Variants in AGAP1 observed in about 807,000 individuals in gnomAD.
AGAP1 encodes the protein ArfGAP with GTPase domain, ankyrin repeat and PH domain 1, also known as arf-GAP with GTPase, ANK repeat and PH domain-containing protein 1.
In AGAP1, 29 loss-of-function variants were observed where a neutral mutation model predicts 105.3. The ratio of observed to expected loss-of-function variants is 0.28; its 90% CI spans 0.21 to 0.38. The LOEUF is 0.38. Ranked by LOEUF, AGAP1 falls within the 10% of genes least tolerant of loss-of-function variation. The pLI is 1.00. For missense variants in AGAP1, 998 were observed against 1,165.1 expected, an observed-to-expected ratio of 0.86 and a Z score of 2.09; for synonymous variants, 509 against 485.9, an observed-to-expected ratio of 1.05 and a Z score of -0.63.
Position 236,009,456 on chromosome 2 carries a change from G to A in AGAP1, c.1646-27105G>A, listed in dbSNP as rs2056435163. Among the ~76,000 whole-genome samples the A allele has an allele frequency of 6.6e-6, 1 of 152,240 alleles. No individual in the cohort carries two copies. ...CTGAAACACTCCAAGGAGCAGAGAC[G>A]CTCCCCTCTGCAACAGTGACATTTA... On this transcript the variant is annotated intron_variant, in intron 13 of 17. Coordinates refer to ENST00000304032, the MANE Select transcript of AGAP1 (RefSeq NM_001037131.3). This position sits in a 1 kb window ranked among gnomAD's most constrained non-coding sequence, Gnocchi z 4.2.
At chr2:236,030,930 G>T (rs1006251457) in intron 13 of AGAP1, among the ~76,000 whole-genome samples, 1 of 152,206 alleles carries the variant, frequency 6.6e-6, no homozygotes, top group African/African-American at 2.4e-5. Context: ...TGAGATGAAA[G>T]TGGGAAGAGG....
At chr2:235,810,725 A>G (rs558525028) in intron 9 of AGAP1, among the ~76,000 whole-genome samples, 4 of 151,904 alleles carry the variant, frequency 2.6e-5, no homozygotes, top group East Asian at 3.9e-4. Flanking sequence ...CATCAAGAAT[A>G]TGACTTATTT....
chr2:235,788,830 C>G lies in AGAP1; in HGVS notation c.674-8929C>G, dbSNP rs755193332. 6.6e-6 allele frequency among the ~76,000 whole-genome samples: 1 copy of G among 152,166 alleles called. No individual in the cohort carries two copies. ...AGACAAAACCAGCTGCGGGGCCACA[C>G]CACGTTAGGGTGCTTTTCGGCATCT... On this transcript the variant is annotated intron_variant, in intron 6 of 17. Transcript: ENST00000304032. This position sits in a 1 kb window ranked among gnomAD's most constrained non-coding sequence, Gnocchi z 6.0.
rs1200033788 is a variant in AGAP1 at position 235,589,205 on chromosome 2, T to G, written c.163+94356T>G. On this transcript the variant is annotated intron_variant, in intron 1 of 17. Coordinates refer to ENST00000304032, the MANE Select transcript of AGAP1 (RefSeq NM_001037131.3). ...TAGCTTATTGTTTTGTTTTTTTTTT[T>G]TTTTTTTTTTTTTTTTTGAGACGGA... is the stretch of plus-strand genomic sequence containing the variant. Among the ~76,000 whole-genome samples, 51 of 107,330 alleles carry G rather than the reference T, an allele frequency of 4.8e-4. 1 individual carries two copies. Among genetic ancestry groups the G allele is most frequent in the African/African-American group, 2.3e-3 (46 of 19,886 alleles). The allele number at this position is 107,330 out of a possible 152,430, so 70.4% of individuals were successfully genotyped here.
At chr2:236,072,641 AG>A (rs1356566866) in intron 16 of AGAP1, 1 of 152,146 alleles carries the variant, frequency 6.6e-6, no homozygotes, top group Non-Finnish European at 1.5e-5. Context: ...TAGGTAGGTG[AG>A]TATAGACAGG....
chr2:235,494,833 C>A lies in AGAP1; in HGVS notation c.147C>A (p.His49Gln). The A allele has an allele frequency of 1.3e-6, 2 of 1,572,430 alleles. No homozygotes were observed. Among genetic ancestry groups the A allele is most frequent in the Non-Finnish European group, 1.7e-6 (2 of 1,159,382 alleles). Residue 49 changes from histidine to glutamine, a missense_variant, in exon 1 of 18, where the codon CAC (histidine) becomes CAA (glutamine). Physicochemically the swap from His to Gln is conservative, Grantham distance 24 (BLOSUM62 0). This residue lies in a region of AGAP1 where 735 missense variants were observed against 833.4 expected (regional missense o/e 0.88). Transcript: ENST00000304032. ...TGCTGCAGAACCAGATCCGGGAGCA[C>A]GTCATCGCCATCGAAGGTGAGGGCC... ...EPVLQNQIREHVIAIEDAFVN... is the reference protein window; with the variant it reads ...EPVLQNQIREQVIAIEDAFVN...
At position 235,787,912 on chromosome 2, in the gene AGAP1, C is replaced by A. The variant is rs185556380; in HGVS notation, c.674-9847C>A. Among the ~76,000 whole-genome samples, 3 of 152,018 alleles carry A rather than the reference C, an allele frequency of 2.0e-5. No homozygotes were observed. Among genetic ancestry groups the A allele is most frequent in the Non-Finnish European group, 2.9e-5 (2 of 68,006 alleles). ...AGCATTCTGGGACCAAGAGCCATGA[C>A]CATGAGCATTCCGGGACCAAGAGCA... On this transcript the variant is annotated intron_variant, in intron 6 of 17. Coordinates refer to ENST00000304032, the MANE Select transcript of AGAP1 (RefSeq NM_001037131.3). The surrounding 1 kb of genome is among the most constrained non-coding windows in gnomAD (Gnocchi z 4.4).
intron 9 of AGAP1, among the ~76,000 whole-genome samples, chr2:235,860,139 A>G (rs1054035228): frequency 2.0e-5 from 3 of 152,202 alleles, no homozygotes; most frequent in African/African-American, 7.2e-5. Context: ...AGAAACACAA[A>G]TACTCATTAA....
rs995629827 is a variant in AGAP1, at chr2:235,893,546, G to A, written c.1155+10097G>A. Among the ~76,000 whole-genome samples the A allele has an allele frequency of 2.6e-5, 4 of 152,194 alleles. No homozygotes were observed. The South Asian group carries it at 8.3e-4, about 32-fold the overall frequency. On this transcript the variant is annotated intron_variant, in intron 10 of 17. Transcript: ENST00000304032. This position sits in a 1 kb window ranked among gnomAD's most constrained non-coding sequence, Gnocchi z 4.7. Reference sequence around the variant, plus strand: ...CGAGGGTGCACCATGTCTGTGGTGCGGGTGTGCCGTGTCCATCATGAGGGT... The same window carrying A: ...CGAGGGTGCACCATGTCTGTGGTGCAGGTGTGCCGTGTCCATCATGAGGGT...
chr2:235,529,907 A>G (rs1373467855), intron 1 of AGAP1, among the ~76,000 whole-genome samples: 1 of 152,104 alleles, frequency 6.6e-6, no homozygotes, highest in Non-Finnish European at 1.5e-5. Context: ...TGAGGATGGG[A>G]TTCAACAACT....
At chr2:235,767,346 C>T (rs1450900507) in intron 6 of AGAP1, among the ~76,000 whole-genome samples, 1 of 152,214 alleles carries the variant, frequency 6.6e-6, no homozygotes, top group Admixed American at 6.5e-5. Context: ...AGCCTTGAAT[C>T]GGGAGGCAGG....
At chr2:236,064,611 A>G (rs576559273) in intron 16 of AGAP1, among the ~76,000 whole-genome samples, 6 of 152,230 alleles carry the variant, frequency 3.9e-5, no homozygotes, top group African/African-American at 1.4e-4. Context: ...TAAATAAATA[A>G]CAAAATGCCA....
rs113834769 is a variant in AGAP1, at chr2:236,096,917, G to A, written c.2115-23275G>A. 3.0e-4 allele frequency among the ~76,000 whole-genome samples: 45 copies of A among 152,212 alleles called. No individual in the cohort carries two copies. In the South Asian group the frequency reaches 4.8e-3, roughly 16 times the overall value. On this transcript the variant is annotated intron_variant, in intron 16 of 17. Coordinates refer to ENST00000304032, the MANE Select transcript of AGAP1 (RefSeq NM_001037131.3). The surrounding 1 kb of genome is among the most constrained non-coding windows in gnomAD (Gnocchi z 4.4). ...TTTAAACTGAAGTTTCATCCTTGCC[G>A]TATCACGTGGCCAATCCATTCATCT...
intron 11 of AGAP1, among the ~76,000 whole-genome samples, chr2:235,928,470 C>G (rs1207915967): frequency 2.0e-5 from 3 of 152,196 alleles, no homozygotes. Flanking sequence ...CTGGAGTCAG[C>G]ACCCACCCTC....
rs556725765 is a variant in AGAP1 at position 236,029,135 on chromosome 2, A to G, written c.1646-7426A>G. On this transcript the variant is annotated intron_variant, in intron 13 of 17. Transcript: ENST00000304032. ...GTTCTCCAGCATTTTGACCTTTCCC[A>G]TGGTAGACATTGTCATTAGCAGTCA... Among the ~76,000 whole-genome samples the G allele has an allele frequency of 9.3e-5, 14 of 151,022 alleles. No homozygotes were observed. In the South Asian group the frequency reaches 2.5e-3, roughly 27 times the overall value.
intron 6 of AGAP1, among the ~76,000 whole-genome samples, chr2:235,782,599 C>A (rs1167518567): frequency 6.6e-6 from 1 of 152,008 alleles, no homozygotes; most frequent in Admixed American, 6.6e-5. Context: ...TTTCCCCCTT[C>A]AAAATGAATT....
Position 235,566,304 on chromosome 2 carries a change from T to C in AGAP1, c.163+71455T>C, listed in dbSNP as rs1944344463. On this transcript the variant is annotated intron_variant, in intron 1 of 17. Coordinates refer to ENST00000304032, the MANE Select transcript of AGAP1 (RefSeq NM_001037131.3). The surrounding 1 kb of genome is among the most constrained non-coding windows in gnomAD (Gnocchi z 5.2). ...CGGAGTTTCTCCATGTTTGTCAGGCTGGTCTCGAACTGCCTTGGCCTCCTA... is the reference window on the plus strand; with the variant it reads ...CGGAGTTTCTCCATGTTTGTCAGGCCGGTCTCGAACTGCCTTGGCCTCCTA... 6.6e-6 allele frequency among the ~76,000 whole-genome samples: 1 copy of C among 152,192 alleles called. No individual in the cohort carries two copies. The highest frequency in any genetic ancestry group is 2.4e-5 in the African/African-American group (1 of 41,460).
chr2:235,966,204 G>T (rs1229581059), intron 12 of AGAP1, among the ~76,000 whole-genome samples: 1 of 148,988 alleles, frequency 6.7e-6, no homozygotes, highest in Non-Finnish European at 1.5e-5. Flanking sequence ...CTCTAAGGAT[G>T]GAGGAGAGGG....
At chr2:235,507,954 C>T (rs1252981704) in intron 1 of AGAP1, among the ~76,000 whole-genome samples, 1 of 152,046 alleles carries the variant, frequency 6.6e-6, no homozygotes, top group Non-Finnish European at 1.5e-5. Flanking sequence ...TTCCCTCCCA[C>T]CCTCCACCCT....
Sources: gnomAD v4.1 joint callset for allele counts (sites outside exome capture counted in the v4.1 genomes callset) on GRCh38, gnomAD v4.1.1 for gene constraint, gnomAD v4.1.1 regional missense constraint, Gnocchi (gnomAD v3.1) non-coding constraint, MANE v1.5 for transcripts, NCBI Gene and HGNC (gene_info 2026-07-23, HGNC 2026-07-21) for gene names.